Variants in IP6K2 observed in about 807,000 individuals in gnomAD.
IP6K2 encodes the protein ATP:1D-myo-inositol-hexakisphosphate phosphotransferase.
A neutral mutation model predicts 43.3 loss-of-function variants in IP6K2; 9 were observed. The observed-to-expected ratio is 0.21, with a 90% CI of 0.13 to 0.36. The LOEUF is 0.36. Among genes scored for constraint, IP6K2 ranks in the 10% least tolerant of loss-of-function variants. The pLI is 1.00. For synonymous variants in IP6K2, 209 were observed against 202.4 expected, an observed-to-expected ratio of 1.03 and a Z score of -0.28; for missense variants, 332 against 538.4, an observed-to-expected ratio of 0.62 and a Z score of 3.79.
intron 1 of IP6K2, among the ~76,000 whole-genome samples, chr3:48,708,737 T>G (rs1446399957): frequency 6.6e-6 from 1 of 152,168 alleles, no homozygotes; most frequent in South Asian, 2.1e-4. Flanking sequence ...TGAGGGATTT[T>G]TGCAATCCTT....
At chr3:48,715,540 A>G (rs2081093450) in intron 1 of IP6K2, 5 of 1,342,706 alleles carry the variant, frequency 3.7e-6, no homozygotes, top group East Asian at 5.0e-5. Context: ...TTGAAACACA[A>G]AAGAAATCTA....
At chr3:48,711,344 G>A (rs1027519599) in intron 1 of IP6K2, 1 of 152,204 alleles carries the variant, frequency 6.6e-6, no homozygotes, top group African/African-American at 2.4e-5. Context: ...CCTTCCCAGT[G>A]TAAATGCAGC....
intron 1 of IP6K2, among the ~76,000 whole-genome samples, chr3:48,706,157 A>C (rs2079753944): frequency 6.6e-6 from 1 of 151,514 alleles, no homozygotes; most frequent in African/African-American, 2.4e-5. Context: ...CAGTGAGCCG[A>C]GACTACGCCA....
At chr3:48,715,895 A>T (rs1001931879) in intron 1 of IP6K2, among the ~76,000 whole-genome samples, 9 of 151,772 alleles carry the variant, frequency 5.9e-5, no homozygotes, top group Non-Finnish European at 1.3e-4. Flanking sequence ...TAGAAAAAAA[A>T]TTTTAAATGA....
chr3:48,702,725 C>CT (rs1269920628), intron 1 of IP6K2, among the ~76,000 whole-genome samples: 1 of 152,220 alleles, frequency 6.6e-6, no homozygotes, highest in Non-Finnish European at 1.5e-5. Flanking sequence ...CTGACATACT[C>CT]TACGTTTCTT....
intron 1 of IP6K2, among the ~76,000 whole-genome samples, chr3:48,704,346 T>G (rs1412318547): frequency 6.6e-6 from 1 of 152,140 alleles, no homozygotes; most frequent in Non-Finnish European, 1.5e-5. Flanking sequence ...CGCCTCCACA[T>G]CCAGCAATAG....
chr3:48,694,011 T>G, intron 2 of IP6K2: 1 of 1,381,888 alleles, frequency 7.2e-7, no homozygotes, highest in East Asian at 2.9e-5. Flanking sequence ...CTGAACACCT[T>G]TCCTCCCAGG....
chr3:48,706,130 C>T (rs1415537978), intron 1 of IP6K2, among the ~76,000 whole-genome samples: 1 of 151,986 alleles, frequency 6.6e-6, no homozygotes, highest in Non-Finnish European at 1.5e-5. Context: ...TCACTTGAAC[C>T]CGGGAGGCGG....
chr3:48,697,774 G>A (rs1007545294), intron 1 of IP6K2, among the ~76,000 whole-genome samples: 2 of 152,006 alleles, frequency 1.3e-5, no homozygotes, highest in Non-Finnish European at 2.9e-5. Flanking sequence ...AAACTCCTGG[G>A]CTCAAGGGAT....
intron 4 of IP6K2, among the ~76,000 whole-genome samples, chr3:48,690,202 T>G (rs2077644023): frequency 6.6e-6 from 1 of 152,224 alleles, no homozygotes; most frequent in East Asian, 1.9e-4. Context: ...TGAGTGTCTC[T>G]GGTGCACAGA....
At position 48,693,171 on chromosome 3, in the gene IP6K2, A is replaced by C. The variant is rs2077951078; in HGVS notation, c.211T>G (p.Ser71Ala). 1 of 1,613,666 alleles carries C rather than the reference A, an allele frequency of 6.2e-7. No homozygotes were observed. Among genetic ancestry groups the C allele is most frequent in the Non-Finnish European group, 8.5e-7 (1 of 1,179,582 alleles). The change falls in exon 3 of 6, where the codon TCT (serine) becomes GCT (alanine). Residue 71 changes from serine (S) to alanine (A), a missense_variant. Transcript: ENST00000328631. Reference sequence around the variant, plus strand: ...TCTTCATCTTCTTCAAAGCGCACAGATACCACACCTGGAAGGGGGTGAGGA... The same window carrying C: ...TCTTCATCTTCTTCAAAGCGCACAGCTACCACACCTGGAAGGGGGTGAGGA... ...KFTPQYKGVV[S>A]VRFEEDEDRN...
intron 1 of IP6K2, among the ~76,000 whole-genome samples, chr3:48,698,957 TAAC>T (rs1156506452): frequency 1.3e-5 from 2 of 152,090 alleles, no homozygotes; most frequent in African/African-American, 2.4e-5. Context: ...ACAGCAATGC[TAAC>T]AACAATGCAA....
intron 1 of IP6K2, among the ~76,000 whole-genome samples, chr3:48,705,165 A>T (rs1012832757): frequency 2.0e-5 from 3 of 150,600 alleles, no homozygotes; most frequent in African/African-American, 7.3e-5. Context: ...GGATGGTCTC[A>T]ATCTCTTGAC....
chr3:48,695,051 C>T lies in IP6K2; in HGVS notation c.202+39G>A. The stretch of plus-strand genomic sequence containing the variant: ...CCATGGCCACGATCTCTCACATCTC[C>T]TCGCCAGTGTGGCAACCCCTCCAGC... On this transcript the variant is annotated intron_variant, in intron 2 of 5. Coordinates refer to ENST00000328631, the MANE Select transcript of IP6K2 (RefSeq NM_016291.4). The surrounding 1 kb of genome is among the most constrained non-coding windows in gnomAD (Gnocchi z 4.6). 1 of 1,614,150 alleles carries T rather than the reference C, an allele frequency of 6.2e-7. No individual in the cohort carries two copies. The highest frequency in any genetic ancestry group is 1.3e-5 in the African/African-American group (1 of 75,060).
At chr3:48,710,089 G>T (rs2080307394) in intron 1 of IP6K2, among the ~76,000 whole-genome samples, 1 of 152,156 alleles carries the variant, frequency 6.6e-6, no homozygotes, top group Admixed American at 6.6e-5. Flanking sequence ...AGTCAATCAA[G>T]ATCGCACGCA....
rs1430594073 is a variant in IP6K2, at chr3:48,712,951, T to C, written c.-131+4206A>G. Among the ~76,000 whole-genome samples, 4 of 151,818 alleles carry C rather than the reference T, an allele frequency of 2.6e-5. No homozygotes were observed. In the East Asian group the frequency reaches 5.8e-4, roughly 22 times the overall value. On this transcript the variant is annotated intron_variant, in intron 1 of 5. Coordinates refer to ENST00000328631, the MANE Select transcript of IP6K2 (RefSeq NM_016291.4). ...TCGCTTAAACCCAGGAGGCAGAGGT[T>C]GCAATGAGCCGAGATCGCGCCACTG...
At chr3:48,706,884 A>G (rs936665900) in intron 1 of IP6K2, among the ~76,000 whole-genome samples, 8 of 152,194 alleles carry the variant, frequency 5.3e-5, no homozygotes, top group African/African-American at 1.9e-4. Context: ...TAAGTACTAT[A>G]GAACTTTCTT....
chr3:48,701,855 A>G (rs1339729599), intron 1 of IP6K2, among the ~76,000 whole-genome samples: 1 of 151,916 alleles, frequency 6.6e-6, no homozygotes, highest in African/African-American at 2.4e-5. Flanking sequence ...CTGAGATCGC[A>G]CTACTGTACT....
chr3:48,692,844 G>A (rs1158130919), intron 3 of IP6K2, 110 bp downstream of exon 3: 4 of 752,404 alleles, frequency 5.3e-6, no homozygotes, highest in Non-Finnish European at 9.2e-6. Flanking sequence ...GAATGACAAG[G>A]TACCTACTAA....
Sources: gnomAD v4.1 joint callset for allele counts (sites outside exome capture counted in the v4.1 genomes callset) on GRCh38, gnomAD v4.1.1 for gene constraint, Gnocchi (gnomAD v3.1) non-coding constraint, MANE v1.5 for transcripts, NCBI Gene and HGNC (gene_info 2026-07-23, HGNC 2026-07-21) for gene names.